The following PRSS12 variants were observed in gnomAD, a reference collection of about 807,000 sequenced individuals.
The protein encoded by PRSS12 is serine protease 12.
PRSS12 carries 85 observed loss-of-function variants against 104.4 expected under a neutral mutation model. The ratio of observed to expected loss-of-function variants is 0.81; its 90% CI spans 0.68 to 0.98. PRSS12 has a LOEUF of 0.98. PRSS12 is among the 50% of genes least tolerant of loss of function. The pLI is 0.00. For synonymous variants in PRSS12, 454 were observed against 425.2 expected (o/e 1.07, Z -0.83); for missense variants, 1,141 against 1,139.2 (o/e 1.00, Z -0.02).
intron 2 of PRSS12, among the ~76,000 whole-genome samples, chr4:118,336,296 A>G (rs1216782588): frequency 6.6e-6 from 1 of 152,218 alleles, no homozygotes; most frequent in Non-Finnish European, 1.5e-5. Flanking sequence ...TTTTTAAAAG[A>G]AAAAATGAAA....
At chr4:118,300,412 T>G (rs56979567) in intron 8 of PRSS12, among the ~76,000 whole-genome samples, 1 of 152,180 alleles carries the variant, frequency 6.6e-6, no homozygotes, top group Admixed American at 6.5e-5. Context: ...TAACACATTT[T>G]AAAGTATGCA....
At chr4:118,293,832 T>C (rs1743183491) in intron 11 of PRSS12, among the ~76,000 whole-genome samples, 1 of 152,090 alleles carries the variant, frequency 6.6e-6, no homozygotes, top group South Asian at 2.1e-4. Context: ...GCTTGAAAAA[T>C]TGAAGGGAAT....
chr4:118,298,140 C>CAAA (rs889038925), intron 9 of PRSS12, among the ~76,000 whole-genome samples: 4 of 59,478 alleles, frequency 6.7e-5, no homozygotes, highest in African/African-American at 1.2e-4. Context: ...TCCGTCTCAA[C>CAAA]AAAAAAAAAA....
chr4:118,316,825 G>GAAAA (rs1553956358), intron 5 of PRSS12, among the ~76,000 whole-genome samples: 9,525 of 91,282 alleles, frequency 0.1, 820 homozygotes, highest in South Asian at 0.2. Context: ...CCGTCTCACG[G>GAAAA]AAAAAAAAAA....
chr4:118,299,764 TTAAATAAAATAAAATAAAATA>T lies in PRSS12; in HGVS notation c.1632-847_1632-827del, dbSNP rs1743353498. On this transcript the variant is annotated intron_variant, in intron 8 of 12. Transcript: ENST00000296498. ...AATAAAATAAATAAAATAAATAAAATTAAATAAAATAAAATAAAATAAAATAAAATAAATAAAATAAAATAA... is the reference window on the plus strand; with the variant it reads ...AATAAAATAAATAAAATAAATAAAATAAATAAAATAAATAAAATAAAATAA... 3.0e-3 allele frequency among the ~76,000 whole-genome samples: 251 copies of T among 82,454 alleles called. 3 individuals are homozygous for T. Among genetic ancestry groups the T allele is most frequent in the African/African-American group, 0.011 (220 of 20,082 alleles). The allele number at this position is 82,454 out of a possible 152,430, so 54.1% of individuals were successfully genotyped here.
At chr4:118,313,530 T>C in intron 6 of PRSS12, 133 bp from the exon 7 acceptor site, 1 of 964,840 alleles carries the variant, frequency 1.0e-6, no homozygotes, top group South Asian at 1.4e-5. Flanking sequence ...TCTCCTACCT[T>C]GGGGACGCAG....
intron 8 of PRSS12, among the ~76,000 whole-genome samples, 181 bp from the exon 9 acceptor site, chr4:118,299,119 C>A (rs1743328221): frequency 2.0e-5 from 3 of 152,188 alleles, no homozygotes; most frequent in Admixed American, 6.5e-5. Context: ...ATTAACTATA[C>A]TTTCCCATAC....
rs1724443344 is a variant in PRSS12, at chr4:118,349,686, A to AGGTTGCT, written c.502+2532_502+2533insAGCAACC. ...CATATTTTCATCAGTAAAATGCAGG[A>AGGTTGCT]ACTCACTCAGAAGGTTGCTACAAGA... On this transcript the variant is annotated intron_variant, in intron 1 of 12. Coordinates refer to ENST00000296498, the MANE Select transcript of PRSS12 (RefSeq NM_003619.4). Among the ~76,000 whole-genome samples the AGGTTGCT allele has an allele frequency of 5.9e-5, 9 of 152,190 alleles. 1 individual carries two copies. Among genetic ancestry groups the AGGTTGCT allele is most frequent in the Admixed American group, 1.3e-4 (2 of 15,286 alleles).
chr4:118,322,370 T>C (rs1468774956), intron 4 of PRSS12, among the ~76,000 whole-genome samples: 2 of 151,988 alleles, frequency 1.3e-5, no homozygotes, highest in African/African-American at 4.8e-5. Flanking sequence ...ATCAATGTAG[T>C]GAAACCCTAT....
rs768370790 is a variant in PRSS12, at chr4:118,316,837, A to ATAT, written c.1151-515_1151-514insATA. 8.2e-4 allele frequency among the ~76,000 whole-genome samples: 81 copies of ATAT among 99,192 alleles called. 1 individual carries two copies. The highest frequency in any genetic ancestry group is 2.5e-3 in the African/African-American group (71 of 28,896). The allele number at this position is 99,192 out of a possible 152,430, so 65.1% of individuals were successfully genotyped here. A position where few individuals can be genotyped will look rare whatever the true frequency, so the allele number is the denominator to read the frequency against. On this transcript the variant is annotated intron_variant, in intron 5 of 12. Coordinates refer to ENST00000296498, the MANE Select transcript of PRSS12 (RefSeq NM_003619.4). Reference sequence around the variant, plus strand: ...ACTCCGTCTCACGGAAAAAAAAAAAAATATATATATATATATATATCTTTC... The same window carrying ATAT: ...ACTCCGTCTCACGGAAAAAAAAAAAATATATATATATATATATATATATCTTTC...
intron 2 of PRSS12, among the ~76,000 whole-genome samples, chr4:118,337,807 A>C (rs1033774267): frequency 6.6e-6 from 1 of 151,966 alleles, no homozygotes; most frequent in Non-Finnish European, 1.5e-5. Context: ...AATTATAATT[A>C]ATTCATTATA....
chr4:118,308,113 G>A (rs1743603511), intron 8 of PRSS12, among the ~76,000 whole-genome samples: 1 of 152,178 alleles, frequency 6.6e-6, no homozygotes, highest in Non-Finnish European at 1.5e-5. Flanking sequence ...AGGCTACAGT[G>A]TTGAAACATC....
At position 118,352,905 on chromosome 4, in the gene PRSS12, G is replaced by A. The variant is rs535642797; in HGVS notation, c.-185C>T. On this transcript the variant is annotated 5_prime_UTR_variant, in exon 1 of 13. Transcript: ENST00000296498. ...GCCGCTGGTGCCCTGCCGCGCCTCG[G>A]CTCCTGTCCCCTGGCGGCGGCCGCG... The A allele has an allele frequency of 2.2e-6, 3 of 1,376,286 alleles. No homozygotes were observed. Among genetic ancestry groups the A allele is most frequent in the Non-Finnish European group, 2.8e-6 (3 of 1,066,420 alleles). 85.3% of individuals were successfully genotyped at this position (1,376,286 alleles called of 1,614,324 possible).
At chr4:118,293,603 C>T (rs1743178840) in intron 11 of PRSS12, among the ~76,000 whole-genome samples, 1 of 151,792 alleles carries the variant, frequency 6.6e-6, no homozygotes. Context: ...GACAAATAGC[C>T]CAATACAAAA....
At chr4:118,311,208 C>T (rs561483518) in intron 7 of PRSS12, among the ~76,000 whole-genome samples, 2 of 152,082 alleles carry the variant, frequency 1.3e-5, no homozygotes, top group Non-Finnish European at 2.9e-5. Context: ...CATATTTTTA[C>T]CATCCCAGAA....
At chr4:118,323,635 A>C (rs2126037635) in intron 4 of PRSS12, among the ~76,000 whole-genome samples, 1 of 152,022 alleles carries the variant, frequency 6.6e-6, no homozygotes, top group South Asian at 2.1e-4. Context: ...GAAACCCAGA[A>C]GTCAGAAAAC....
At chr4:118,338,363 G>A (rs1724114326) in intron 1 of PRSS12, 49 bp from the exon 2 acceptor site, 2 of 1,606,830 alleles carry the variant, frequency 1.2e-6, no homozygotes, top group Admixed American at 1.7e-5. Context: ...ATAATCATTT[G>A]AACATATTGA....
intron 11 of PRSS12, among the ~76,000 whole-genome samples, chr4:118,292,921 G>A (rs939575572): frequency 2.0e-5 from 3 of 151,832 alleles, no homozygotes; most frequent in African/African-American, 4.8e-5. Flanking sequence ...AGGCTGACGC[G>A]GGAGAATCCT....
At chr4:118,294,224 A>G (rs1215950658) in intron 11 of PRSS12, among the ~76,000 whole-genome samples, 1 of 152,236 alleles carries the variant, frequency 6.6e-6, no homozygotes, top group Non-Finnish European at 1.5e-5. Flanking sequence ...GAAACTCTGT[A>G]CTCAACACAT....
Sources: allele counts gnomAD v4.1 joint callset (sites outside exome capture counted in the v4.1 genomes callset), GRCh38; gene constraint gnomAD v4.1.1; transcripts MANE v1.5; gene names NCBI Gene and HGNC (gene_info 2026-07-23, HGNC 2026-07-21).